Variants in HABP4 observed in about 807,000 individuals in gnomAD.
HABP4 encodes hyaluronan binding protein 4.
HABP4 carries 32 observed loss-of-function variants against 44.1 expected under a neutral mutation model. The observed-to-expected ratio is 0.73, with a 90% CI of 0.55 to 0.97. The LOEUF is 0.97. Ranked by LOEUF, HABP4 falls within the 50% of genes least tolerant of loss-of-function variation. The probability of loss-of-function intolerance (pLI) is 0.00; values close to 1 mark genes in which losing one functional copy is unlikely to be tolerated. For synonymous variants in HABP4, 216 were observed against 218.0 expected (o/e 0.99, Z 0.08); for missense variants, 503 against 561.9 (o/e 0.90, Z 1.06).
chr9:96,472,131 T>A (rs1023758654), intron 5 of HABP4, among the ~76,000 whole-genome samples: 2 of 152,102 alleles, frequency 1.3e-5, no homozygotes, highest in Non-Finnish European at 2.9e-5. Context: ...TCTCTGGCCC[T>A]TTGGACCTGC....
At chr9:96,465,520 A>G (rs750954793) in intron 3 of HABP4, 22 bp downstream of exon 3, 14 of 1,541,780 alleles carry the variant, frequency 9.1e-6, no homozygotes, top group Admixed American at 1.7e-5. Context: ...TGTAAATGCT[A>G]TTTTCACTTT....
intron 1 of HABP4, among the ~76,000 whole-genome samples, chr9:96,456,779 AAATATATATATATATATATATATATAT>A (rs1832395462): frequency 1.6e-5 from 1 of 60,912 alleles, no homozygotes; most frequent in South Asian, 6.9e-4. Context: ...AAAAAAAAAA[AAATATATATATATATATATATATATAT>A]ATATATATAT....
At chr9:96,470,429 C>T (rs1832674184) in intron 4 of HABP4, among the ~76,000 whole-genome samples, 1 of 152,230 alleles carries the variant, frequency 6.6e-6, no homozygotes, top group South Asian at 2.1e-4. Flanking sequence ...CCCTGCCGGC[C>T]TGGAACCTTC....
intron 3 of HABP4, 22 bp from the exon 4 acceptor site, chr9:96,465,688 G>A (rs185838227): frequency 1.8e-5 from 28 of 1,527,464 alleles, no homozygotes; most frequent in Admixed American, 1.2e-4. Flanking sequence ...CTGGTTTAAG[G>A]GACTATTCTT....
chr9:96,457,665 C>T (rs548893825), intron 1 of HABP4, among the ~76,000 whole-genome samples: 1 of 152,154 alleles, frequency 6.6e-6, no homozygotes, highest in African/African-American at 2.4e-5. Flanking sequence ...GCTGGGAGTT[C>T]GAGACCAGCC....
At chr9:96,482,516 G>A (rs7037607) in intron 5 of HABP4, among the ~76,000 whole-genome samples, 35,317 of 151,918 alleles carry the variant, frequency 0.23, 5,106 homozygotes, top group African/African-American at 0.41. Flanking sequence ...TCAAATCTAC[G>A]ATTTTAATCC....
Position 96,450,530 on chromosome 9 carries a change from G to C in HABP4, c.251G>C (p.Gly84Ala). The C allele has an allele frequency of 8.1e-7, 1 of 1,233,242 alleles. No homozygotes were observed. The highest frequency in any genetic ancestry group is 1.0e-6 in the Non-Finnish European group (1 of 987,780). The allele number at this position is 1,233,242 out of a possible 1,614,324, so 76.4% of individuals were successfully genotyped here. The change falls in exon 1 of 8, where the codon GGC becomes GCC. Residue 84 changes from glycine to alanine, a missense_variant. Physicochemically the swap from Gly to Ala is moderately conservative, Grantham distance 60. Transcript: ENST00000375249. This position sits in a 1 kb window ranked among gnomAD's most constrained non-coding sequence, Gnocchi z 4.8. Reference sequence around the variant, plus strand: ...GCCGGGGCCTCGGGCCACAGAGCCGGCGCGGGCGGCCGGAGGGAGTCGCAG... The same window carrying C: ...GCCGGGGCCTCGGGCCACAGAGCCGCCGCGGGCGGCCGGAGGGAGTCGCAG... ...SPAGASGHRA[G>A]AGGRRESQKE... is the part of the protein sequence containing the mutation.
upstream of HABP4, chr9:96,450,159 C>A (rs1413737468): frequency 5.4e-5 from 56 of 1,036,278 alleles, no homozygotes; most frequent in South Asian, 1.3e-3. This position sits in a 1 kb window ranked among gnomAD's most constrained non-coding sequence, Gnocchi z 4.8. Flanking sequence ...CGGTAGGGGC[C>A]GGACAGGGTA....
chr9:96,469,816 C>T (rs903296527), intron 4 of HABP4, among the ~76,000 whole-genome samples: 111 of 152,196 alleles, frequency 7.3e-4, no homozygotes, highest in African/African-American at 2.6e-3. Context: ...CCACCGCGCC[C>T]GGATGATTTA....
chr9:96,466,514 G>C (rs1469424782), intron 4 of HABP4, among the ~76,000 whole-genome samples: 1 of 152,180 alleles, frequency 6.6e-6, no homozygotes, highest in Non-Finnish European at 1.5e-5. Context: ...AGGATTACAG[G>C]CATGAGCTAC....
chr9:96,465,110 A>T (rs140282112), intron 2 of HABP4, among the ~76,000 whole-genome samples: 18 of 152,278 alleles, frequency 1.2e-4, no homozygotes, highest in African/African-American at 3.6e-4. Flanking sequence ...CAATAATTGT[A>T]TATTAAAGAT....
At chr9:96,472,000 G>A (rs571862353) in intron 5 of HABP4, among the ~76,000 whole-genome samples, 1 of 152,140 alleles carries the variant, frequency 6.6e-6, no homozygotes, top group South Asian at 2.1e-4. Context: ...TGTTGATCAG[G>A]CTGGTCTTGA....
At chr9:96,464,305 C>T (rs1832558238) in intron 2 of HABP4, among the ~76,000 whole-genome samples, 1 of 152,078 alleles carries the variant, frequency 6.6e-6, no homozygotes, top group African/African-American at 2.4e-5. Context: ...CATGGGGGGC[C>T]AGGCGGATGT....
At chr9:96,485,101 G>A (rs966564064) in intron 6 of HABP4, among the ~76,000 whole-genome samples, 3 of 151,614 alleles carry the variant, frequency 2.0e-5, no homozygotes, top group African/African-American at 7.3e-5. Context: ...TGCCCAGGCT[G>A]GAGTGCAGTG....
At chr9:96,451,406 CACCGA>C (rs1456189831) in intron 1 of HABP4, 2 of 897,864 alleles carry the variant, frequency 2.2e-6, no homozygotes, top group Admixed American at 6.2e-5. Context: ...TTCATTCTCT[CACCGA>C]ACTGCGTCAG....
chr9:96,471,074 G>C lies in HABP4; in HGVS notation c.807G>C (p.Pro269=). ...PTVVEESQGT[P]EEESPAKVPE... ...TGGTGGAGGAGTCCCAGGGCACCCC[G>C]GAAGAGGAGTCTCCAGCCAAGTAGG... Residue 269 remains proline (P), a synonymous_variant, in exon 5 of 8, where the codon CCG becomes CCC. Coordinates refer to ENST00000375249, the MANE Select transcript of HABP4 (RefSeq NM_014282.4). The C allele has an allele frequency of 6.3e-7, 1 of 1,586,716 alleles. No individual in the cohort carries two copies. The highest frequency in any genetic ancestry group is 1.1e-5 in the South Asian group (1 of 90,524).
chr9:96,489,979 T>C lies in HABP4; in HGVS notation c.1186-3T>C, dbSNP rs1464669864. 1.3e-6 allele frequency: 2 copies of C among 1,565,472 alleles called. No homozygotes were observed. Among genetic ancestry groups the C allele is most frequent in the Non-Finnish European group, 1.8e-6 (2 of 1,135,716 alleles). On this transcript the variant is annotated splice_region_variant and splice_polypyrimidine_tract_variant and intron_variant, in intron 7 of 7. Coordinates refer to ENST00000375249, the MANE Select transcript of HABP4 (RefSeq NM_014282.4). ...ATTTCAAAGTATTTCTTTTTTTCTT[T>C]AGATGCAAGATGTTGCCCCCAACCC... is the stretch of plus-strand genomic sequence containing the variant.
intron 4 of HABP4, 76 bp downstream of exon 4, chr9:96,465,854 G>A: frequency 1.2e-6 from 1 of 813,952 alleles, no homozygotes; most frequent in Non-Finnish European, 2.1e-6. Context: ...TCTTGAAAAT[G>A]ATGTCTTCTG....
intron 4 of HABP4, among the ~76,000 whole-genome samples, chr9:96,468,783 T>G (rs1478767037): frequency 1.3e-5 from 2 of 152,270 alleles, no homozygotes; most frequent in Non-Finnish European, 2.9e-5. Flanking sequence ...ATAAATTTTA[T>G]GTATGTATAC....
Sources: allele counts gnomAD v4.1 joint callset (sites outside exome capture counted in the v4.1 genomes callset), GRCh38; gene constraint gnomAD v4.1.1; non-coding constraint Gnocchi (gnomAD v3.1); transcripts MANE v1.5; gene names NCBI Gene and HGNC (gene_info 2026-07-23, HGNC 2026-07-21).